SLC24A4: variants seen among roughly 807,000 people sequenced by gnomAD.
SLC24A4 encodes the protein sodium/potassium/calcium exchanger 4.
Under a neutral mutation model 79.0 loss-of-function variants are expected in SLC24A4, and 53 were observed. The observed-to-expected ratio is 0.67, with a 90% CI of 0.54 to 0.84. The LOEUF (loss-of-function observed/expected upper bound fraction) is 0.84, where lower values mean the gene tolerates loss of function less well. Ranked by LOEUF, SLC24A4 falls within the 40% of genes least tolerant of loss-of-function variation. The pLI is 0.00. For missense variants in SLC24A4, 731 were observed against 822.0 expected, an observed-to-expected ratio of 0.89 and a Z score of 1.35; for synonymous variants, 323 against 323.8, an observed-to-expected ratio of 1.00 and a Z score of 0.03.
In SLC24A4 at chr14:92,493,735, T is replaced by C; in HGVS notation, c.*107T>C. ...GTCTCTCCTGCATAGGCAGCCACTG[T>C]CCGTTCTTTCACACACTGGAAGGAA... On this transcript the variant is annotated 3_prime_UTR_variant, in exon 17 of 17. Coordinates refer to ENST00000532405, the MANE Select transcript of SLC24A4 (RefSeq NM_153646.4). 7.7e-7 allele frequency: 1 copy of C among 1,300,568 alleles called. No individual in the cohort carries two copies. The highest frequency in any genetic ancestry group is 1.1e-6 in the Non-Finnish European group (1 of 949,394). 80.6% of individuals were successfully genotyped at this position (1,300,568 alleles called of 1,614,324 possible). A position where few individuals can be genotyped will look rare whatever the true frequency, so the allele number is the denominator to read the frequency against.
rs1885644672 is a variant in SLC24A4 at position 92,334,215 on chromosome 14, A to G, written c.241+8237A>G. 2.0e-5 allele frequency among the ~76,000 whole-genome samples: 3 copies of G among 152,320 alleles called. No homozygotes were observed. The South Asian group carries it at 6.2e-4, about 32-fold the overall frequency. On this transcript the variant is annotated intron_variant, in intron 2 of 16. Transcript: ENST00000532405. ...ATTTACTACTATGGGCAGGGAAATC[A>G]CAGTTCTATTCCTTTCCCAGACAGC...
At chr14:92,343,697 C>CTTCCTTCCTTCA (rs1886356779) in intron 2 of SLC24A4, among the ~76,000 whole-genome samples, 1 of 138,486 alleles carries the variant, frequency 7.2e-6, no homozygotes, top group African/African-American at 3.0e-5. Flanking sequence ...TCCTTCCTTC[C>CTTCCTTCCTTCA]TTCCTTTCTT....
In SLC24A4 at chr14:92,324,109, G is replaced by A. The variant is rs112399760; in HGVS notation, c.130+149G>A. ...CCCCTCCCCGCCGGGCAGGTAGAGC[G>A]CGCCCAGAAGAGCTGATGGACGCTC... On this transcript the variant is annotated intron_variant, in intron 1 of 16. Transcript: ENST00000532405. 8.2e-3 allele frequency: 9,418 copies of A among 1,153,940 alleles called. 400 individuals carry two copies. The African/African-American group carries it at 0.11, about 13-fold the overall frequency. 71.5% of individuals were successfully genotyped at this position (1,153,940 alleles called of 1,614,324 possible).
At chr14:92,377,409 A>G (rs1740674718) in intron 2 of SLC24A4, among the ~76,000 whole-genome samples, 1 of 152,252 alleles carries the variant, frequency 6.6e-6, no homozygotes, top group Admixed American at 6.5e-5. Context: ...ATACTATGCC[A>G]AAGACTAAAA....
chr14:92,413,005 A>G (rs189489991), intron 2 of SLC24A4, among the ~76,000 whole-genome samples: 244 of 152,296 alleles, frequency 1.6e-3, no homozygotes, highest in African/African-American at 5.7e-3. Context: ...AGCCATGCCG[A>G]TTTGTTTATG....
At chr14:92,359,074 G>A (rs542809473) in intron 2 of SLC24A4, among the ~76,000 whole-genome samples, 4 of 152,230 alleles carry the variant, frequency 2.6e-5, no homozygotes, top group East Asian at 1.9e-4. Flanking sequence ...TCTAGTCAGC[G>A]TGGCTAAAAT....
intron 2 of SLC24A4, among the ~76,000 whole-genome samples, chr14:92,329,765 C>T (rs1885360729): frequency 6.6e-6 from 1 of 152,224 alleles, no homozygotes; most frequent in Non-Finnish European, 1.5e-5. Flanking sequence ...CCTCGGCCTC[C>T]CAAAGTGCCA....
chr14:92,362,010 T>C (rs4904877), intron 2 of SLC24A4, among the ~76,000 whole-genome samples: 136,834 of 152,186 alleles, frequency 0.9, 63,257 homozygotes, highest in East Asian at 1. Context: ...AGGTGGTGCT[T>C]GAGAAGTATT....
intron 12 of SLC24A4, among the ~76,000 whole-genome samples, chr14:92,460,781 G>A (rs947601561): frequency 5.3e-5 from 8 of 152,166 alleles, no homozygotes; most frequent in African/African-American, 1.9e-4. Context: ...TGATAAGTGG[G>A]GAGGTGGGAG....
chr14:92,473,514 G>A lies in SLC24A4; in HGVS notation c.1256-9166G>A, dbSNP rs570088278. Among the ~76,000 whole-genome samples the A allele has an allele frequency of 5.3e-5, 8 of 152,312 alleles. No homozygotes were observed. In the East Asian group the frequency reaches 1.3e-3, roughly 26 times the overall value. ...GCTCCTCCCTGCTGTTTCTGTCTTC[G>A]TAACTCTATTGCTTAGGATTCTGTG... On this transcript the variant is annotated intron_variant, in intron 12 of 16. Transcript: ENST00000532405.
chr14:92,432,564 A>G (rs561029929), intron 2 of SLC24A4, among the ~76,000 whole-genome samples: 7 of 152,238 alleles, frequency 4.6e-5, no homozygotes, highest in South Asian at 4.1e-4. Context: ...GTAATTCTCC[A>G]TCTCTGAGCT....
chr14:92,336,900 C>T lies in SLC24A4; in HGVS notation c.241+10922C>T, dbSNP rs561308168. On this transcript the variant is annotated intron_variant, in intron 2 of 16. Transcript: ENST00000532405. Reference sequence around the variant, plus strand: ...CACCTGAAACTGCCCCCTGAGAAATCGCAGCATCACCTCCCGTACCTGGAG... The same window carrying T: ...CACCTGAAACTGCCCCCTGAGAAATTGCAGCATCACCTCCCGTACCTGGAG... Among the ~76,000 whole-genome samples, 31 of 152,306 alleles carry T rather than the reference C, an allele frequency of 2.0e-4. No homozygotes were observed. In the South Asian group the frequency reaches 5.4e-3, roughly 26 times the overall value.
At chr14:92,337,981 A>G (rs1885912031) in intron 2 of SLC24A4, among the ~76,000 whole-genome samples, 1 of 152,214 alleles carries the variant, frequency 6.6e-6, no homozygotes, top group African/African-American at 2.4e-5. Context: ...CACCTGCTTC[A>G]TTTTGAGTTA....
chr14:92,492,589 C>T (rs771521576), intron 16 of SLC24A4, among the ~76,000 whole-genome samples: 6 of 152,144 alleles, frequency 3.9e-5, no homozygotes, highest in Admixed American at 6.5e-5. Flanking sequence ...GATGGCACGT[C>T]GGAATAATTG....
intron 2 of SLC24A4, among the ~76,000 whole-genome samples, chr14:92,404,364 G>A (rs1017586054): frequency 3.9e-5 from 6 of 152,136 alleles, no homozygotes; most frequent in African/African-American, 9.7e-5. Flanking sequence ...CTTTTATAGT[G>A]CAAATAGAAC....
intron 2 of SLC24A4, among the ~76,000 whole-genome samples, chr14:92,384,144 A>C (rs1889013597): frequency 6.6e-6 from 1 of 152,166 alleles, no homozygotes; most frequent in Admixed American, 6.5e-5. Context: ...AGCATGAAAT[A>C]CACTCCACAG....
chr14:92,379,857 C>T (rs575035554), intron 2 of SLC24A4, among the ~76,000 whole-genome samples: 16 of 152,202 alleles, frequency 1.1e-4, no homozygotes, highest in Admixed American at 8.5e-4. Context: ...CCTACCACGC[C>T]TGGGGCTGAA....
At position 92,327,066 on chromosome 14, in the gene SLC24A4, C is replaced by A. The variant is rs139843934; in HGVS notation, c.241+1088C>A. Among the ~76,000 whole-genome samples the A allele has an allele frequency of 3.8e-3, 575 of 152,316 alleles. 4 individuals carry two copies. Among genetic ancestry groups the A allele is most frequent in the African/African-American group, 0.013 (539 of 41,564 alleles). On this transcript the variant is annotated intron_variant, in intron 2 of 16. Transcript: ENST00000532405. ...TCAGGAAAGATCTGGGGAGAAGGCACAAGTTGCTCAAAGTCACAGAACTCG... is the reference window on the plus strand; with the variant it reads ...TCAGGAAAGATCTGGGGAGAAGGCAAAAGTTGCTCAAAGTCACAGAACTCG...
chr14:92,478,679 T>C lies in SLC24A4; in HGVS notation c.1256-4001T>C, dbSNP rs138717901. Among the ~76,000 whole-genome samples the C allele has an allele frequency of 5.3e-5, 8 of 151,710 alleles. No homozygotes were observed. In the East Asian group the frequency reaches 1.6e-3, roughly 29 times the overall value. Reference sequence around the variant, plus strand: ...TTTTTTTTTCCAAGACTGTTTTGGCTATTTGGGGGTTCCTTATATTTTCAT... The same window carrying C: ...TTTTTTTTTCCAAGACTGTTTTGGCCATTTGGGGGTTCCTTATATTTTCAT... On this transcript the variant is annotated intron_variant, in intron 12 of 16. Coordinates refer to ENST00000532405, the MANE Select transcript of SLC24A4 (RefSeq NM_153646.4).
Sources: gnomAD v4.1 joint callset for allele counts (sites outside exome capture counted in the v4.1 genomes callset) on GRCh38, gnomAD v4.1.1 for gene constraint, MANE v1.5 for transcripts, NCBI Gene and HGNC (gene_info 2026-07-23, HGNC 2026-07-21) for gene names.